Variants in ZNF423 observed in about 807,000 individuals in gnomAD.
The protein encoded by ZNF423 is Ebf-associated zinc finger protein.
A neutral mutation model predicts 95.8 loss-of-function variants in ZNF423; 12 were observed. The observed-to-expected ratio is 0.13, with a 90% CI of 0.08 to 0.20. The LOEUF is 0.20. Among genes scored for constraint, ZNF423 ranks in the 10% least tolerant of loss-of-function variants. ZNF423 has a pLI of 1.00. For missense variants in ZNF423, 1,316 were observed against 1,737.1 expected, an observed-to-expected ratio of 0.76 and a Z score of 4.31; for synonymous variants, 749 against 711.9, an observed-to-expected ratio of 1.05 and a Z score of -0.83.
intron 1 of ZNF423, among the ~76,000 whole-genome samples, chr16:49,836,984 A>G (rs555662716): frequency 4.6e-5 from 7 of 152,336 alleles, no homozygotes; most frequent in Non-Finnish European, 8.8e-5. Flanking sequence ...GAAATTCAGA[A>G]TAAAGCCCAC....
At chr16:49,785,457 A>G (rs2034295692) in intron 2 of ZNF423, among the ~76,000 whole-genome samples, 1 of 152,258 alleles carries the variant, frequency 6.6e-6, no homozygotes, top group Non-Finnish European at 1.5e-5. Context: ...AAATATACCA[A>G]AATTCACTTT....
intron 5 of ZNF423, among the ~76,000 whole-genome samples, chr16:49,591,734 T>C (rs1971016208): frequency 1.3e-5 from 2 of 152,124 alleles, no homozygotes; most frequent in African/African-American, 2.4e-5. Context: ...AAAACTGCAT[T>C]GGAAACCAAA....
At chr16:49,579,176 G>C (rs925381436) in intron 5 of ZNF423, among the ~76,000 whole-genome samples, 1 of 152,228 alleles carries the variant, frequency 6.6e-6, no homozygotes, top group African/African-American at 2.4e-5. Context: ...TCGAAGCTGG[G>C]CACTGGGAAT....
chr16:49,536,753 T>A (rs1337336916), intron 5 of ZNF423, among the ~76,000 whole-genome samples: 1 of 152,216 alleles, frequency 6.6e-6, no homozygotes, highest in African/African-American at 2.4e-5. Flanking sequence ...TTGAATATAT[T>A]TAAACATTCA....
chr16:49,654,448 G>T (rs1171352633), intron 3 of ZNF423, among the ~76,000 whole-genome samples: 1 of 152,186 alleles, frequency 6.6e-6, no homozygotes, highest in Admixed American at 6.5e-5. Flanking sequence ...CCCAGGCAGG[G>T]GCATGGACAA....
intron 7 of ZNF423, among the ~76,000 whole-genome samples, chr16:49,511,720 C>T (rs1425222568): frequency 6.6e-6 from 1 of 152,218 alleles, no homozygotes; most frequent in African/African-American, 2.4e-5. Context: ...CCTCAGGAGA[C>T]ACAGCTGCCT....
intron 5 of ZNF423, among the ~76,000 whole-genome samples, chr16:49,548,028 G>GA (rs1969502376): frequency 1.3e-5 from 2 of 152,176 alleles, no homozygotes; most frequent in East Asian, 3.9e-4. Flanking sequence ...CATTGCCATG[G>GA]AAAATGTATC....
chr16:49,607,857 A>G (rs889723601), intron 5 of ZNF423, among the ~76,000 whole-genome samples: 2 of 152,190 alleles, frequency 1.3e-5, no homozygotes, highest in African/African-American at 4.8e-5. Flanking sequence ...AGGGGGCTCA[A>G]GATGCCCAGT....
At chr16:49,832,469 A>G (rs1268778208) in intron 1 of ZNF423, among the ~76,000 whole-genome samples, 2 of 151,830 alleles carry the variant, frequency 1.3e-5, no homozygotes, top group Admixed American at 6.6e-5. Context: ...CAATATGGAC[A>G]TCAGGAGAGC....
intron 7 of ZNF423, among the ~76,000 whole-genome samples, chr16:49,506,379 G>C (rs1195548494): frequency 1.3e-5 from 2 of 152,140 alleles, no homozygotes; most frequent in African/African-American, 4.8e-5. Flanking sequence ...GTGGAAGATG[G>C]ATAGTGGATG....
intron 1 of ZNF423, among the ~76,000 whole-genome samples, chr16:49,851,575 C>T (rs2035302197): frequency 6.6e-6 from 1 of 152,086 alleles, no homozygotes; most frequent in South Asian, 2.1e-4. Context: ...CTGGTTCCCC[C>T]TCCTCCTCCT....
At chr16:49,574,293 G>A (rs976540980) in intron 5 of ZNF423, among the ~76,000 whole-genome samples, 8 of 152,302 alleles carry the variant, frequency 5.3e-5, no homozygotes, top group East Asian at 1.9e-4. Flanking sequence ...GCTGAGGCAC[G>A]AGGATCACTT....
chr16:49,695,916 A>G (rs1426126140), intron 3 of ZNF423, among the ~76,000 whole-genome samples: 1 of 152,082 alleles, frequency 6.6e-6, no homozygotes, highest in Non-Finnish European at 1.5e-5. Flanking sequence ...CCTCCCTACA[A>G]CCCTGAGGTG....
chr16:49,757,129 G>C (rs1206754936), intron 2 of ZNF423, among the ~76,000 whole-genome samples: 1 of 152,164 alleles, frequency 6.6e-6, no homozygotes, highest in Non-Finnish European at 1.5e-5. Flanking sequence ...GCAATGTTGG[G>C]ACTGAATCCA....
intron 2 of ZNF423, among the ~76,000 whole-genome samples, chr16:49,732,672 C>G (rs549602802): frequency 7.7e-4 from 117 of 152,310 alleles, no homozygotes; most frequent in African/African-American, 2.6e-3. Context: ...AAGACAGACA[C>G]GAAGCAAAGA....
chr16:49,554,376 C>A (rs866721278), intron 5 of ZNF423, among the ~76,000 whole-genome samples: 1 of 152,172 alleles, frequency 6.6e-6, no homozygotes, highest in South Asian at 2.1e-4. Flanking sequence ...TCACAGCCCA[C>A]CTTGGTGACC....
At chr16:49,847,050 T>C (rs2035253499) in intron 1 of ZNF423, 1 of 152,074 alleles carries the variant, frequency 6.6e-6, no homozygotes, top group South Asian at 2.1e-4. Flanking sequence ...TTAATTAGGA[T>C]CAACAGAAGA....
chr16:49,529,515 T>C (rs1448217337), intron 5 of ZNF423, among the ~76,000 whole-genome samples: 2 of 152,174 alleles, frequency 1.3e-5, no homozygotes, highest in Non-Finnish European at 2.9e-5. Context: ...AGGCTGAAAC[T>C]GTGTCAGCCC....
At chr16:49,590,155 G>A (rs765641873) in intron 5 of ZNF423, among the ~76,000 whole-genome samples, 4 of 151,350 alleles carry the variant, frequency 2.6e-5, no homozygotes, top group Admixed American at 6.6e-5. Flanking sequence ...TGATTTTCCC[G>A]CAGCAGATCC....
Sources: allele counts gnomAD v4.1 joint callset (sites outside exome capture counted in the v4.1 genomes callset), GRCh38; gene constraint gnomAD v4.1.1; transcripts MANE v1.5; gene names NCBI Gene and HGNC (gene_info 2026-07-23, HGNC 2026-07-21).